The following MSH4 variants were observed in gnomAD, a reference collection of about 807,000 sequenced individuals.
MSH4 encodes the protein mutS protein homolog 4.
MSH4 carries 106 observed loss-of-function variants against 113.7 expected under a neutral mutation model. The ratio of observed to expected loss-of-function variants is 0.93; its 90% CI spans 0.80 to 1.10. The LOEUF is 1.10. MSH4 is among the 50% of genes least tolerant of loss of function. The pLI is 0.00. For synonymous variants in MSH4, 368 were observed against 380.2 expected, an observed-to-expected ratio of 0.97 and a Z score of 0.37; for missense variants, 1,061 against 1,093.7, an observed-to-expected ratio of 0.97 and a Z score of 0.42.
intron 8 of MSH4, among the ~76,000 whole-genome samples, chr1:75,852,179 C>CGTTTTCAA (rs1651203446): frequency 1.3e-5 from 2 of 152,252 alleles, no homozygotes; most frequent in Admixed American, 1.3e-4. Context: ...CTTAGCATAA[C>CGTTTTCAA]GTTTTCAAGT....
At chr1:75,876,611 A>G (rs142053002) in intron 9 of MSH4, among the ~76,000 whole-genome samples, 221 of 152,246 alleles carry the variant, frequency 1.5e-3, no homozygotes, top group African/African-American at 4.9e-3. Context: ...AATTATATGT[A>G]GAGTACTCTA....
chr1:75,898,825 CT>C (rs1430007234), intron 18 of MSH4, among the ~76,000 whole-genome samples: 1 of 152,114 alleles, frequency 6.6e-6, no homozygotes, highest in African/African-American at 2.4e-5. Context: ...AAAAAACCAT[CT>C]TTGTTTTGCT....
intron 8 of MSH4, among the ~76,000 whole-genome samples, chr1:75,854,009 G>A (rs71502710): frequency 0.52 from 26,318 of 50,374 alleles, 3,252 homozygotes; most frequent in East Asian, 0.61. Context: ...ATAAGTGTGT[G>A]TGTGTATATA....
At chr1:75,907,317 A>G (rs1652681588) in intron 19 of MSH4, among the ~76,000 whole-genome samples, 1 of 151,862 alleles carries the variant, frequency 6.6e-6, no homozygotes, top group African/African-American at 2.4e-5. Context: ...CAGCACTTTG[A>G]ATCTGTTATT....
intron 8 of MSH4, among the ~76,000 whole-genome samples, chr1:75,865,579 G>A (rs1651545490): frequency 6.6e-6 from 1 of 152,188 alleles, no homozygotes; most frequent in Non-Finnish European, 1.5e-5. Context: ...AGGTAGGGAA[G>A]TCACCTGTTG....
chr1:75,908,498 C>T (rs1652717622), intron 19 of MSH4, among the ~76,000 whole-genome samples: 1 of 152,128 alleles, frequency 6.6e-6, no homozygotes, highest in South Asian at 2.1e-4. Flanking sequence ...GTTGCTTTTT[C>T]TGTGCTGTTT....
intron 4 of MSH4, among the ~76,000 whole-genome samples, chr1:75,813,021 A>G (rs920222068): frequency 7.9e-5 from 12 of 152,188 alleles, no homozygotes; most frequent in African/African-American, 2.7e-4. Flanking sequence ...CACTACTCTC[A>G]TTCCCCATAT....
intron 17 of MSH4, among the ~76,000 whole-genome samples, chr1:75,893,215 A>G (rs997428338): frequency 1.3e-5 from 2 of 152,232 alleles, no homozygotes; most frequent in Non-Finnish European, 2.9e-5. Flanking sequence ...CCAAATTGCC[A>G]GCTCATTGCT....
intron 8 of MSH4, among the ~76,000 whole-genome samples, chr1:75,861,090 A>T (rs972927168): frequency 2.0e-5 from 3 of 152,128 alleles, no homozygotes; most frequent in African/African-American, 7.2e-5. Flanking sequence ...GGAAGTTCTC[A>T]TATTGTGCTT....
chr1:75,800,548 A>G (rs774573604), intron 1 of MSH4, among the ~76,000 whole-genome samples: 1 of 152,128 alleles, frequency 6.6e-6, no homozygotes, highest in Non-Finnish European at 1.5e-5. Context: ...CAGGCTTAAA[A>G]TGGGCTGGGA....
intron 9 of MSH4, among the ~76,000 whole-genome samples, chr1:75,876,544 A>G (rs1199398641): frequency 6.6e-6 from 1 of 152,132 alleles, no homozygotes; most frequent in Non-Finnish European, 1.5e-5. Flanking sequence ...AAATTGCTCT[A>G]TTTATGAATA....
chr1:75,804,047 C>T (rs1289619862), intron 2 of MSH4, 134 bp downstream of exon 2: 4 of 533,436 alleles, frequency 7.5e-6, no homozygotes, highest in Middle Eastern at 5.3e-4. Context: ...ATTAGTTTAC[C>T]TCTATCCATA....
Position 75,810,731 on chromosome 1 carries a change from A to C in MSH4, c.623A>C (p.Glu208Ala). The C allele has an allele frequency of 6.3e-7, 1 of 1,578,416 alleles. No individual in the cohort carries two copies. Among genetic ancestry groups the C allele is most frequent in the East Asian group, 2.3e-5 (1 of 43,208 alleles). Residue 208 changes from glutamate to alanine, a missense_variant, in exon 4 of 20, where the codon GAA becomes GCA. Coordinates refer to ENST00000263187, the MANE Select transcript of MSH4 (RefSeq NM_002440.4). ...AAACTTAAAATTTTATCACCTTTGG[A>C]AATAATAATGTCAAATACTGCTTGT... ...ITKLKILSPL[E>A]IIMSNTACAV...
At chr1:75,808,879 C>G (rs968673165) in intron 3 of MSH4, among the ~76,000 whole-genome samples, 2 of 152,110 alleles carry the variant, frequency 1.3e-5, no homozygotes, top group Non-Finnish European at 2.9e-5. Context: ...CATGATCTAT[C>G]AGGTAGAGAT....
chr1:75,847,867 A>G (rs889462291), intron 7 of MSH4, among the ~76,000 whole-genome samples: 5 of 152,120 alleles, frequency 3.3e-5, no homozygotes, highest in African/African-American at 9.7e-5. Context: ...CTGTGACCCA[A>G]ATGTTTTCCA....
chr1:75,874,732 G>T (rs2100567255), intron 9 of MSH4, among the ~76,000 whole-genome samples: 1 of 152,234 alleles, frequency 6.6e-6, no homozygotes, highest in Middle Eastern at 3.4e-3. Context: ...ACAACTTCTG[G>T]CCTGTGATGC....
intron 7 of MSH4, among the ~76,000 whole-genome samples, chr1:75,824,062 A>C (rs1028490315): frequency 4.6e-5 from 7 of 152,254 alleles, no homozygotes; most frequent in African/African-American, 1.4e-4. Flanking sequence ...ACTGTCTTCC[A>C]CAATGGTTGA....
At chr1:75,814,745 T>TA (rs1395217103) in intron 4 of MSH4, among the ~76,000 whole-genome samples, 2 of 152,186 alleles carry the variant, frequency 1.3e-5, no homozygotes, top group Admixed American at 1.3e-4. Context: ...CTAAAGGCAA[T>TA]AAAAAATAAA....
At chr1:75,884,616 C>A (rs191599623) in intron 15 of MSH4, among the ~76,000 whole-genome samples, 101 of 152,086 alleles carry the variant, frequency 6.6e-4, no homozygotes, top group Admixed American at 1.1e-3. Flanking sequence ...CCTCTCCACG[C>A]TCCCCTGCTT....
Sources: allele counts gnomAD v4.1 joint callset (sites outside exome capture counted in the v4.1 genomes callset), GRCh38; gene constraint gnomAD v4.1.1; transcripts MANE v1.5; gene names NCBI Gene and HGNC (gene_info 2026-07-23, HGNC 2026-07-21).